Variants in BRD2 observed in about 807,000 individuals in gnomAD.
BRD2 encodes bromodomain containing 2.
BRD2 carries 15 observed loss-of-function variants against 79.1 expected under a neutral mutation model. The ratio of observed to expected loss-of-function variants is 0.19; its 90% CI spans 0.13 to 0.29. BRD2 has a LOEUF of 0.29. BRD2 is among the 10% of genes least tolerant of loss of function. The probability of loss-of-function intolerance (pLI) is 1.00; values close to 1 mark genes in which losing one functional copy is unlikely to be tolerated. For missense variants in BRD2, 1,053 were observed against 991.3 expected (o/e 1.06, Z -0.84); for synonymous variants, 488 against 358.6 (o/e 1.36, Z -4.08).
intron 1 of BRD2, chr6:32,970,817 C>A (rs1406584234): frequency 6.6e-6 from 1 of 151,840 alleles, no homozygotes; most frequent in Non-Finnish European, 1.5e-5. Context: ...GGGGAGGGGG[C>A]GAAACTGAGC....
chr6:32,980,639 CTTCCAGCTCCAGCTCAGA>C lies in BRD2; in HGVS notation c.2338_2355del (p.Asp782_Ser787del). 1 of 1,613,180 alleles carries C rather than the reference CTTCCAGCTCCAGCTCAGA, an allele frequency of 6.2e-7. No individual in the cohort carries two copies. Among genetic ancestry groups the C allele is most frequent in the Non-Finnish European group, 8.5e-7 (1 of 1,180,044 alleles). On this transcript the variant is annotated inframe_deletion, in exon 13 of 13. Transcript: ENST00000374825. ...CAAGTAGCAGTGTCACGCCTTAGCG[CTTCCAGCTCCAGCTCAGA>C]TTCCAGCTCCTCCTCTTCCTCGTCG... is the stretch of plus-strand genomic sequence containing the variant.
At chr6:32,973,060 C>G in intron 2 of BRD2, 133 bp downstream of exon 2, 1 of 1,598,506 alleles carries the variant, frequency 6.3e-7, no homozygotes, top group Non-Finnish European at 8.5e-7. Flanking sequence ...CTCGGTCGCG[C>G]GGAGGGAATT....
intron 3 of BRD2, 83 bp from the exon 4 acceptor site, chr6:32,975,283 GGGGTGTGTGTGTGTGTGT>G (rs1363169203): frequency 2.1e-6 from 2 of 938,104 alleles, no homozygotes; most frequent in Non-Finnish European, 3.1e-6. Context: ...ATGCATAGGG[GGGGTGTGTGTGTGTGTGT>G]GTGTGTGTGA....
intron 11 of BRD2, 76 bp downstream of exon 11, chr6:32,980,208 G>C: frequency 6.4e-7 from 1 of 1,574,212 alleles, no homozygotes; most frequent in South Asian, 1.2e-5. Context: ...TTGCATTCAG[G>C]ATTGTCAGCT....
At chr6:32,977,097 T>C in intron 7 of BRD2, 161 bp downstream of exon 7, 1 of 1,257,720 alleles carries the variant, frequency 8.0e-7, no homozygotes, top group African/African-American at 1.5e-5. Flanking sequence ...TGAGAATTTG[T>C]ATTTCTTGGA....
At position 32,975,365 on chromosome 6, in the gene BRD2, C is replaced by G. The variant is rs56088723; in HGVS notation, c.334-19C>G. 47,160 of 1,587,914 alleles carry G rather than the reference C, an allele frequency of 0.03. 809 individuals are homozygous for G. The highest frequency in any genetic ancestry group is 0.044 in the South Asian group (3,908 of 89,514). ...GCATTTATTTTTCTGTGGTTCTGAC[C>G]TAACATTTTTTTATTTAGGATTATC... On this transcript the variant is annotated intron_variant, in intron 3 of 12. Coordinates refer to ENST00000374825, the MANE Select transcript of BRD2 (RefSeq NM_005104.4).
intron 3 of BRD2, 123 bp downstream of exon 3, chr6:32,974,888 G>A (rs1384444709): frequency 4.3e-6 from 6 of 1,399,042 alleles, no homozygotes; most frequent in Non-Finnish European, 5.8e-6. Flanking sequence ...CTGTAGGGCA[G>A]TTAGCTACCA....
chr6:32,972,611 G>T lies in BRD2; in HGVS notation c.-288G>T. 1 of 568,806 alleles carries T rather than the reference G, an allele frequency of 1.8e-6. No individual in the cohort carries two copies. The highest frequency in any genetic ancestry group is 3.1e-6 in the Non-Finnish European group (1 of 319,358). The allele number at this position is 568,806 out of a possible 1,614,324, so 35.2% of individuals were successfully genotyped here. ...ATTGACGACGGTGTCTGAGATCGGG[G>T]ACCGTCTTTTGAAGAGTCAGTCCCT... On this transcript the variant is annotated 5_prime_UTR_variant, in exon 2 of 13. Coordinates refer to ENST00000374825, the MANE Select transcript of BRD2 (RefSeq NM_005104.4).
chr6:32,973,200 G>A, intron 2 of BRD2: 10 of 1,509,906 alleles, frequency 6.6e-6, no homozygotes, highest in Non-Finnish European at 7.2e-6. Context: ...CTAGTTTGAC[G>A]GTGGAGTGGA....
In BRD2 at chr6:32,971,634, C is replaced by G. The variant is rs1777990895; in HGVS notation, c.-1265C>G. 1 of 435,886 alleles carries G rather than the reference C, an allele frequency of 2.3e-6. No individual in the cohort carries two copies. Among genetic ancestry groups the G allele is most frequent in the Non-Finnish European group, 4.1e-6 (1 of 246,200 alleles). 27.0% of individuals were successfully genotyped at this position (435,886 alleles called of 1,614,324 possible). A position where few individuals can be genotyped will look rare whatever the true frequency, so the allele number is the denominator to read the frequency against. ...CTGCCTTACCGCCGAGAACCACCAC[C>G]CGCCAGGCGTCTTGCGGCCACACCC... is the stretch of plus-strand genomic sequence containing the variant. On this transcript the variant is annotated 5_prime_UTR_variant, in exon 2 of 13. Coordinates refer to ENST00000374825, the MANE Select transcript of BRD2 (RefSeq NM_005104.4).
At chr6:32,975,342 A>T (rs912955964) in intron 3 of BRD2, 42 bp from the exon 4 acceptor site, 2 of 1,530,018 alleles carry the variant, frequency 1.3e-6, no homozygotes, top group African/African-American at 1.4e-5. Context: ...CCCTATAAGC[A>T]TTTATTTTTC....
intron 7 of BRD2, 26 bp downstream of exon 7, chr6:32,976,962 A>T: frequency 6.3e-7 from 1 of 1,584,012 alleles, no homozygotes; most frequent in Middle Eastern, 1.7e-4. Context: ...GGCAGATGGG[A>T]TGCTCAGGCA....
Position 32,978,008 on chromosome 6 carries a change from AT to A in BRD2, c.1578+7del. 1.9e-6 allele frequency: 3 copies of A among 1,608,684 alleles called. No homozygotes were observed. Among genetic ancestry groups the A allele is most frequent in the Non-Finnish European group, 2.5e-6 (3 of 1,179,056 alleles). The stretch of plus-strand genomic sequence containing the variant: ...GCTTAGCAGAACTACAGGAACAGGT[AT>A]TTTGTCACTCTTGAAAGTTTTTATT... On this transcript the variant is annotated splice_donor_region_variant and intron_variant, in intron 9 of 12. Transcript: ENST00000374825.
chr6:32,976,408 G>T lies in BRD2; in HGVS notation c.769G>T (p.Ala257Ser). 1 of 1,612,600 alleles carries T rather than the reference G, an allele frequency of 6.2e-7. No individual in the cohort carries two copies. The highest frequency in any genetic ancestry group is 8.5e-7 in the Non-Finnish European group (1 of 1,180,018). Reference protein sequence around the residue: ...SSPLLKSLHSAGPPLLAVTAA... With the variant: ...SSPLLKSLHSSGPPLLAVTAA... ...TCCACTTCTCAAGTCCTTGCACTCT[G>T]CTGGACCCCCGCTCCTTGCTGTTAC... Residue 257 changes from alanine to serine, a missense_variant, in exon 6 of 13, where the codon GCT (alanine) becomes TCT (serine). Physicochemically the swap from Ala to Ser is moderately conservative, Grantham distance 99. Around this residue, in one of 5 missense-constraint regions of BRD2, gnomAD observed 413 missense variants for 335.1 expected, o/e 1.23. Coordinates refer to ENST00000374825, the MANE Select transcript of BRD2 (RefSeq NM_005104.4).
intron 9 of BRD2, 55 bp downstream of exon 9, chr6:32,978,060 C>T: frequency 3.1e-6 from 5 of 1,588,768 alleles, no homozygotes; most frequent in Middle Eastern, 1.7e-4. Flanking sequence ...GCCCTTTGTC[C>T]TCATTTTTTC....
Position 32,976,684 on chromosome 6 carries a change from G to T in BRD2, c.948G>T (p.Met316Ile). ...LEPKAARLPP[M>I]RRESGRPIKP... ...CTAAGGCAGCACGGCTTCCCCCTAT[G>T]CGTAGAGAGAGTGGTCGCCCCATCA... Residue 316 changes from methionine to isoleucine, a missense_variant, in exon 7 of 13, where the codon ATG becomes ATT. Met to Ile is a conservative substitution (Grantham distance 10). Coordinates refer to ENST00000374825, the MANE Select transcript of BRD2 (RefSeq NM_005104.4). 6.2e-7 allele frequency: 1 copy of T among 1,613,126 alleles called. No individual in the cohort carries two copies. Among genetic ancestry groups the T allele is most frequent in the Non-Finnish European group, 8.5e-7 (1 of 1,180,038 alleles).
At position 32,977,891 on chromosome 6, in the gene BRD2, G is replaced by T; in HGVS notation, c.1464G>T (p.Glu488Asp). The change falls in exon 9 of 13, where the codon GAG (glutamate) becomes GAT (aspartate). Residue 488 changes from glutamate to aspartate, a missense_variant. Glu to Asp is a conservative substitution (Grantham distance 45). Around this residue, in one of 5 missense-constraint regions of BRD2, gnomAD observed 454 missense variants for 430.5 expected, o/e 1.05. Coordinates refer to ENST00000374825, the MANE Select transcript of BRD2 (RefSeq NM_005104.4). ...SESSSEESSS[E>D]SSSEEEEEED... ...CCTCCAGTGAGGAAAGTAGCAGTGA[G>T]AGCTCCTCTGAGGAAGAGGAGGAGG... 6.2e-7 allele frequency: 1 copy of T among 1,613,102 alleles called. No homozygotes were observed. The highest frequency in any genetic ancestry group is 8.5e-7 in the Non-Finnish European group (1 of 1,180,016).
Position 32,974,798 on chromosome 6 carries a change from GGA to G in BRD2, c.333+34_333+35del, listed in dbSNP as rs757746896. The stretch of plus-strand genomic sequence containing the variant: ...GAGACATTGGAGCCGGGGAGGTGTG[GGA>G]TGAGCAAGAATGCGTGTGAATGGGG... On this transcript the variant is annotated intron_variant, in intron 3 of 12. Coordinates refer to ENST00000374825, the MANE Select transcript of BRD2 (RefSeq NM_005104.4). The G allele has an allele frequency of 8.7e-6, 14 of 1,601,682 alleles. No individual in the cohort carries two copies. The South Asian group carries it at 1.2e-4, about 14-fold the overall frequency.
chr6:32,972,794 G>A lies in BRD2; in HGVS notation c.-105G>A, dbSNP rs942771943. On this transcript the variant is annotated 5_prime_UTR_variant, in exon 2 of 13. Transcript: ENST00000374825. ...TGTCGCCTGGAGGCCCAAGAGGAAC[G>A]GCCTCCCCCCAACTTAGCGGGTTAT... The A allele has an allele frequency of 1.9e-5, 30 of 1,560,696 alleles. No individual in the cohort carries two copies. In the Admixed American group the frequency reaches 4.9e-4, roughly 25 times the overall value.
Sources: gnomAD v4.1 joint callset for allele counts on GRCh38, gnomAD v4.1.1 for gene constraint, gnomAD v4.1.1 regional missense constraint, MANE v1.5 for transcripts, NCBI Gene and HGNC (gene_info 2026-07-23, HGNC 2026-07-21) for gene names.